FBXO9: variants seen among roughly 807,000 people sequenced by gnomAD.
FBXO9 encodes the protein F-box only protein 9.
Under a neutral mutation model 63.7 loss-of-function variants are expected in FBXO9, and 43 were observed. That is an observed-to-expected ratio of 0.67 (90% CI 0.53 to 0.87). The LOEUF is 0.87. Ranked by LOEUF, FBXO9 falls within the 40% of genes least tolerant of loss-of-function variation. The probability of loss-of-function intolerance (pLI) is 0.00; values close to 1 mark genes in which losing one functional copy is unlikely to be tolerated. For synonymous variants in FBXO9, 156 were observed against 171.7 expected (o/e 0.91, Z 0.72); for missense variants, 442 against 533.2 (o/e 0.83, Z 1.68).
At chr6:53,092,982 G>T in intron 9 of FBXO9, 158 bp downstream of exon 9, 3 of 459,042 alleles carry the variant, frequency 6.5e-6, no homozygotes, top group South Asian at 5.5e-5. Flanking sequence ...AAAAAAATAG[G>T]CTAATATAAA....
chr6:53,092,831 C>G lies in FBXO9; in HGVS notation c.863+7C>G. 1 of 1,557,716 alleles carries G rather than the reference C, an allele frequency of 6.4e-7. No individual in the cohort carries two copies. ...ACCAAGTGGAATATTACAGGTACAA[C>G]TGTAGTACACTGAGTGAGTGGAAAA... On this transcript the variant is annotated splice_region_variant and intron_variant, in intron 9 of 12. Transcript: ENST00000323557.
At chr6:53,067,920 T>C (rs942319836) in intron 1 of FBXO9, 1 of 152,314 alleles carries the variant, frequency 6.6e-6, no homozygotes, top group African/African-American at 2.4e-5. Flanking sequence ...TGCTTTACAG[T>C]GTGCCCAGCA....
intron 7 of FBXO9, among the ~76,000 whole-genome samples, chr6:53,085,479 T>C (rs1025082656): frequency 7.2e-5 from 11 of 152,158 alleles, no homozygotes; most frequent in African/African-American, 2.2e-4. Flanking sequence ...TGAGGGAATT[T>C]AGTTATTTCT....
chr6:53,082,672 A>G (rs1360072051), intron 7 of FBXO9, 54 bp downstream of exon 7: 4 of 1,270,948 alleles, frequency 3.1e-6, no homozygotes, highest in Admixed American at 1.9e-5. Flanking sequence ...GTGAAAAGAA[A>G]GATGGTCCTT....
intron 3 of FBXO9, among the ~76,000 whole-genome samples, chr6:53,076,222 G>A (rs1769104282): frequency 6.6e-6 from 1 of 152,028 alleles, no homozygotes; most frequent in African/African-American, 2.4e-5. Context: ...TGGTGCTTTT[G>A]GTGTCAAGAA....
intron 4 of FBXO9, among the ~76,000 whole-genome samples, chr6:53,077,793 T>A (rs73443391): frequency 8.7e-4 from 133 of 152,320 alleles, no homozygotes; most frequent in Middle Eastern, 3.4e-3. Flanking sequence ...GCAGCCTTCA[T>A]TGGTTTGTGA....
chr6:53,078,550 G>A (rs1281839182), intron 4 of FBXO9, among the ~76,000 whole-genome samples: 1 of 152,184 alleles, frequency 6.6e-6, no homozygotes, highest in African/African-American at 2.4e-5. Context: ...TACGTAAGAG[G>A]GTGAGGAAAA....
intron 7 of FBXO9, 99 bp from the exon 8 acceptor site, chr6:53,092,329 TC>T: frequency 1.2e-6 from 1 of 837,406 alleles, no homozygotes; most frequent in Non-Finnish European, 2.0e-6. Flanking sequence ...TCCCAGGTGT[TC>T]AACAAATACT....
At chr6:53,095,071 C>T (rs1763168786) in intron 11 of FBXO9, among the ~76,000 whole-genome samples, 1 of 152,140 alleles carries the variant, frequency 6.6e-6, no homozygotes, top group Non-Finnish European at 1.5e-5. Context: ...ATAAGTTATA[C>T]TCTGTGCTTT....
chr6:53,072,430 G>C (rs928768677), intron 2 of FBXO9, among the ~76,000 whole-genome samples: 1 of 152,202 alleles, frequency 6.6e-6, no homozygotes, highest in Non-Finnish European at 1.5e-5. Flanking sequence ...CAGCTGCAAT[G>C]CAGTCTTAAT....
chr6:53,082,815 A>T (rs1372888808), intron 7 of FBXO9, among the ~76,000 whole-genome samples, 197 bp downstream of exon 7: 1 of 152,228 alleles, frequency 6.6e-6, no homozygotes, highest in South Asian at 2.1e-4. Context: ...TTTCTAGGGT[A>T]TAGAATAATA....
At chr6:53,079,255 A>G (rs999125258) in intron 5 of FBXO9, among the ~76,000 whole-genome samples, 2 of 152,174 alleles carry the variant, frequency 1.3e-5, no homozygotes. Context: ...ATTTGGCAAA[A>G]TATTAATAAT....
intron 1 of FBXO9, 34 bp downstream of exon 1, chr6:53,065,826 G>A (rs1345328088): frequency 1.3e-5 from 17 of 1,324,264 alleles, no homozygotes; most frequent in Non-Finnish European, 1.6e-5. Flanking sequence ...GGTGGACGCC[G>A]CGGGGCGGGA....
At position 53,098,227 on chromosome 6, in the gene FBXO9, A is replaced by G; in HGVS notation, c.*397A>G. On this transcript the variant is annotated 3_prime_UTR_variant, in exon 13 of 13. Coordinates refer to ENST00000323557, the MANE Select transcript of FBXO9 (RefSeq NM_033480.3). ...GAGTATCCTAATATTTCAATGCATC[A>G]GGGGAGCGCTCCACTGGATAAGCAT... The G allele has an allele frequency of 3.1e-6, 1 of 326,908 alleles. No individual in the cohort carries two copies. Among genetic ancestry groups the G allele is most frequent in the Non-Finnish European group, 6.6e-6 (1 of 152,536 alleles). The allele number at this position is 326,908 out of a possible 1,614,324, so 20.3% of individuals were successfully genotyped here.
At chr6:53,096,121 A>G (rs1296721788) in intron 12 of FBXO9, among the ~76,000 whole-genome samples, 1 of 152,236 alleles carries the variant, frequency 6.6e-6, no homozygotes, top group East Asian at 1.9e-4. Context: ...CTACTAAAAA[A>G]ATAAGAGGTA....
chr6:53,068,263 TAATA>T (rs1414748881), intron 1 of FBXO9, among the ~76,000 whole-genome samples: 1 of 152,236 alleles, frequency 6.6e-6, no homozygotes, highest in Non-Finnish European at 1.5e-5. Flanking sequence ...TTTCATTTCC[TAATA>T]AATCTATTAG....
intron 9 of FBXO9, 69 bp downstream of exon 9, chr6:53,092,893 T>A: frequency 9.3e-7 from 1 of 1,076,752 alleles, no homozygotes; most frequent in Non-Finnish European, 1.3e-6. Context: ...TGGACATCTG[T>A]TCTTTGTTGC....
intron 6 of FBXO9, among the ~76,000 whole-genome samples, chr6:53,082,075 A>T (rs1232394970): frequency 1.3e-5 from 2 of 152,204 alleles, no homozygotes; most frequent in Admixed American, 1.3e-4. Flanking sequence ...TCACAAAAAA[A>T]AAAGAAATTC....
In FBXO9 at chr6:53,092,783, T is replaced by C. The variant is rs1562074447; in HGVS notation, c.822T>C (p.Leu274=). 2 of 1,612,640 alleles carry C rather than the reference T, an allele frequency of 1.2e-6. No individual in the cohort carries two copies. The highest frequency in any genetic ancestry group is 8.5e-7 in the Non-Finnish European group (1 of 1,179,030). The change falls in exon 9 of 13, where the codon CTT becomes CTC. Residue 274 remains leucine (L), a synonymous_variant. Coordinates refer to ENST00000323557, the MANE Select transcript of FBXO9 (RefSeq NM_033480.3). ...ATATTCGTCAAGGGGAACAGTCTCT[T>C]GATGGTTTCTATAGAGCCTGGCACC... ...TTYIRQGEQS[L]DGFYRAWHQV...
Sources: gnomAD v4.1 joint callset for allele counts (sites outside exome capture counted in the v4.1 genomes callset) on GRCh38, gnomAD v4.1.1 for gene constraint, MANE v1.5 for transcripts, NCBI Gene and HGNC (gene_info 2026-07-23, HGNC 2026-07-21) for gene names.